Variants in ANO4 observed in about 807,000 individuals in gnomAD.
ANO4 encodes the protein anoctamin 4.
Under a neutral mutation model 141.9 loss-of-function variants are expected in ANO4, and 69 were observed. The ratio of observed to expected loss-of-function variants is 0.49; its 90% CI spans 0.40 to 0.59. ANO4 has a LOEUF of 0.59. ANO4 is among the 20% of genes least tolerant of loss of function. The pLI, the probability that ANO4 is intolerant of heterozygous loss-of-function variation, is 0.00. For missense variants in ANO4, 894 were observed against 1,162.2 expected (o/e 0.77, Z 3.36); for synonymous variants, 350 against 394.3 (o/e 0.89, Z 1.33).
intron 1 of ANO4, among the ~76,000 whole-genome samples, chr12:100,722,594 G>A (rs1399472589): frequency 1.3e-5 from 2 of 152,206 alleles, no homozygotes; most frequent in East Asian, 3.9e-4. Context: ...ACTTCTTAGG[G>A]TAAGCCCTTT....
At chr12:100,813,302 G>C (rs2035552407) in intron 1 of ANO4, among the ~76,000 whole-genome samples, 1 of 152,158 alleles carries the variant, frequency 6.6e-6, no homozygotes, top group Non-Finnish European at 1.5e-5. Flanking sequence ...AGACAAATGG[G>C]TGATCCTCTC....
intron 1 of ANO4, among the ~76,000 whole-genome samples, chr12:100,856,190 A>G (rs2038161903): frequency 6.6e-6 from 1 of 152,112 alleles, no homozygotes; most frequent in South Asian, 2.1e-4. Flanking sequence ...TTGCCGAAGG[A>G]TTTTGGTTAT....
intron 1 of ANO4, among the ~76,000 whole-genome samples, chr12:100,867,704 A>G (rs2038822793): frequency 6.6e-6 from 1 of 152,190 alleles, no homozygotes; most frequent in Non-Finnish European, 1.5e-5. Context: ...AAAATTAACC[A>G]GCACACATCT....
At chr12:101,091,137 A>G (rs1004003585) in intron 17 of ANO4, among the ~76,000 whole-genome samples, 1 of 152,200 alleles carries the variant, frequency 6.6e-6, no homozygotes, top group Admixed American at 6.6e-5. Context: ...CATTTATTTT[A>G]GATATAACAT....
At chr12:100,916,603 T>C (rs2041354366) in intron 2 of ANO4, among the ~76,000 whole-genome samples, 1 of 152,192 alleles carries the variant, frequency 6.6e-6, no homozygotes, top group Non-Finnish European at 1.5e-5. Flanking sequence ...ACTTAAACAT[T>C]TTCTTTGTCT....
chr12:100,740,982 A>G (rs1383763220), intron 3 of ANO4, among the ~76,000 whole-genome samples: 2 of 152,178 alleles, frequency 1.3e-5, no homozygotes, highest in South Asian at 2.1e-4. Context: ...CTGCTGATCT[A>G]TGTGATCCTT....
chr12:100,804,771 C>A (rs879779411), intron 1 of ANO4, among the ~76,000 whole-genome samples: 1 of 152,080 alleles, frequency 6.6e-6, no homozygotes, highest in Non-Finnish European at 1.5e-5. Context: ...CTGTTCATGT[C>A]CTTTGCCCAC....
chr12:100,865,956 G>A (rs2038733355), intron 1 of ANO4, among the ~76,000 whole-genome samples: 1 of 152,130 alleles, frequency 6.6e-6, no homozygotes, highest in Non-Finnish European at 1.5e-5. Flanking sequence ...AAAGCCACTG[G>A]GGTAGTAATA....
intron 1 of ANO4, among the ~76,000 whole-genome samples, chr12:100,861,192 G>T (rs1035109727): frequency 1.4e-4 from 21 of 152,138 alleles, no homozygotes; most frequent in Non-Finnish European, 4.4e-5. Context: ...GCTAGCTACA[G>T]AGCACTGATT....
At chr12:101,074,347 C>G (rs921202018) in intron 14 of ANO4, among the ~76,000 whole-genome samples, 2 of 152,314 alleles carry the variant, frequency 1.3e-5, no homozygotes, top group East Asian at 3.9e-4. Flanking sequence ...CACGGTCTCA[C>G]TGGGTCACCT....
chr12:100,830,459 C>G lies in ANO4; in HGVS notation c.-141+35432C>G, dbSNP rs1289213022. ...CATTTTATTTTTCTACTTGAGTGTT[C>G]CAGTGTATTCGTTGAGTAAGACCTA... On this transcript the variant is annotated intron_variant, in intron 1 of 27. Coordinates refer to ENST00000392977, the MANE Select transcript of ANO4 (RefSeq NM_001286615.2). Among the ~76,000 whole-genome samples, 4 of 151,968 alleles carry G rather than the reference C, an allele frequency of 2.6e-5. No individual in the cohort carries two copies. The East Asian group carries it at 7.8e-4, about 29-fold the overall frequency.
chr12:100,977,867 C>T (rs906168476), intron 7 of ANO4, among the ~76,000 whole-genome samples: 1 of 152,190 alleles, frequency 6.6e-6, no homozygotes, highest in African/African-American at 2.4e-5. Flanking sequence ...CGCTTCCCTC[C>T]CACCACTCTT....
chr12:100,839,480 G>A (rs2037123313), intron 1 of ANO4, among the ~76,000 whole-genome samples: 1 of 152,110 alleles, frequency 6.6e-6, no homozygotes, highest in Non-Finnish European at 1.5e-5. Context: ...ATCTGGGCAA[G>A]TTTAAAAGCA....
At chr12:101,032,428 A>T (rs2136561535) in intron 9 of ANO4, among the ~76,000 whole-genome samples, 1 of 152,106 alleles carries the variant, frequency 6.6e-6, no homozygotes, top group Non-Finnish European at 1.5e-5. Context: ...TACAAAAATT[A>T]ACTCAAAGCA....
intron 1 of ANO4, among the ~76,000 whole-genome samples, chr12:100,844,038 T>G (rs2037425246): frequency 6.6e-6 from 1 of 152,182 alleles, no homozygotes; most frequent in Non-Finnish European, 1.5e-5. Context: ...TTATTGAGTA[T>G]CCACTGTATA....
intron 3 of ANO4, among the ~76,000 whole-genome samples, chr12:100,779,453 T>TC (rs1413169908): frequency 2.6e-5 from 4 of 152,256 alleles, no homozygotes; most frequent in African/African-American, 9.6e-5. Flanking sequence ...GATGCAGCTT[T>TC]GCTTCTTGGC....
chr12:100,813,726 T>G (rs896926342), intron 1 of ANO4, among the ~76,000 whole-genome samples: 3 of 152,184 alleles, frequency 2.0e-5, no homozygotes, highest in African/African-American at 7.2e-5. Context: ...GAGCTTGAGC[T>G]TGGTCAGATA....
intron 3 of ANO4, among the ~76,000 whole-genome samples, chr12:100,755,571 C>T (rs921166939): frequency 6.6e-6 from 1 of 152,124 alleles, no homozygotes; most frequent in Non-Finnish European, 1.5e-5. Flanking sequence ...AGGTTCTATC[C>T]TGAAGCTAAT....
At chr12:100,977,442 T>G (rs907475467) in intron 7 of ANO4, among the ~76,000 whole-genome samples, 20 of 152,122 alleles carry the variant, frequency 1.3e-4, no homozygotes, top group African/African-American at 4.8e-4. Context: ...TCCCAGATAC[T>G]TGGGAGTCTG....
Sources: allele counts gnomAD v4.1 joint callset (sites outside exome capture counted in the v4.1 genomes callset), GRCh38; gene constraint gnomAD v4.1.1; transcripts MANE v1.5; gene names NCBI Gene and HGNC (gene_info 2026-07-23, HGNC 2026-07-21).